The following CNTN5 variants were observed in gnomAD, a reference collection of about 807,000 sequenced individuals.
CNTN5 encodes the protein contactin-5.
Under a neutral mutation model 129.1 loss-of-function variants are expected in CNTN5, and 77 were observed. The observed-to-expected ratio is 0.60, with a 90% confidence interval of 0.50 to 0.72. The LOEUF (loss-of-function observed/expected upper bound fraction) is 0.72. Ranked by LOEUF, CNTN5 falls within the 30% of genes least tolerant of loss-of-function variation. The probability of loss-of-function intolerance (pLI) is 0.00; values close to 1 mark genes in which losing one functional copy is unlikely to be tolerated. For missense variants in CNTN5, 1,478 were observed against 1,328.8 expected, an observed-to-expected ratio of 1.11 and a Z score of -1.75; for synonymous variants, 509 against 465.6, an observed-to-expected ratio of 1.09 and a Z score of -1.20.
intron 2 of CNTN5, among the ~76,000 whole-genome samples, chr11:99,497,869 C>A (rs1457359858): frequency 6.6e-6 from 1 of 152,114 alleles, no homozygotes; most frequent in East Asian, 1.9e-4. Flanking sequence ...CTGATAGGTT[C>A]AGAAATTTAC....
At chr11:99,269,752 A>G (rs1863087156) in intron 1 of CNTN5, among the ~76,000 whole-genome samples, 1 of 149,364 alleles carries the variant, frequency 6.7e-6, no homozygotes, top group Non-Finnish European at 1.5e-5. Context: ...CTATAATATT[A>G]TAAACTTACT....
At chr11:99,060,723 T>C (rs1483380012) in intron 1 of CNTN5, among the ~76,000 whole-genome samples, 3 of 152,146 alleles carry the variant, frequency 2.0e-5, no homozygotes, top group South Asian at 2.1e-4. Context: ...ATTTTATTGT[T>C]GTTAAAAGCA....
At chr11:99,567,861 C>T (rs1874139) in intron 3 of CNTN5, among the ~76,000 whole-genome samples, 13,101 of 151,764 alleles carry the variant, frequency 0.086, 849 homozygotes, top group African/African-American at 0.18. Flanking sequence ...TGTCAGTGGG[C>T]GGTGGGAACT....
At chr11:100,187,695 T>G (rs941449671) in intron 13 of CNTN5, among the ~76,000 whole-genome samples, 4 of 152,148 alleles carry the variant, frequency 2.6e-5, no homozygotes, top group Middle Eastern at 3.2e-3. Flanking sequence ...AGGAAAGGAC[T>G]TCTTGGTCAA....
intron 1 of CNTN5, among the ~76,000 whole-genome samples, chr11:99,199,437 C>T (rs1859058595): frequency 6.6e-6 from 1 of 152,106 alleles, no homozygotes; most frequent in Admixed American, 6.5e-5. Context: ...GTTGCAATAA[C>T]ACAATATGAC....
chr11:99,106,501 A>G (rs1045074904), intron 1 of CNTN5, among the ~76,000 whole-genome samples: 4 of 152,042 alleles, frequency 2.6e-5, no homozygotes, highest in East Asian at 1.9e-4. Flanking sequence ...TGTAGTTCCT[A>G]TAATTATTTT....
chr11:99,183,671 G>C (rs1858196298), intron 1 of CNTN5, among the ~76,000 whole-genome samples: 1 of 151,850 alleles, frequency 6.6e-6, no homozygotes, highest in Admixed American at 6.6e-5. Flanking sequence ...TCTCTTCCTT[G>C]ACATACCATT....
In CNTN5 at chr11:99,845,277, T is replaced by C. The variant is rs745847335; in HGVS notation, c.577+15T>C. The C allele has an allele frequency of 2.2e-5, 34 of 1,570,154 alleles. No individual in the cohort carries two copies. The highest frequency in any genetic ancestry group is 3.4e-5 in the South Asian group (3 of 87,572). On this transcript the variant is annotated intron_variant, in intron 6 of 24. Transcript: ENST00000524871. ...GCAGTTTGCCTGTGAGTAAAATATA[T>C]GATTTTTCTATATATATGTATATAG...
chr11:99,073,570 C>T (rs75152183), intron 1 of CNTN5, among the ~76,000 whole-genome samples: 2,125 of 151,842 alleles, frequency 0.014, 46 homozygotes, highest in African/African-American at 0.049. Context: ...CCCTGACAGG[C>T]CATGGTATAT....
intron 13 of CNTN5, among the ~76,000 whole-genome samples, chr11:100,127,638 A>ACTTT (rs1184932484): frequency 1.5e-5 from 2 of 133,460 alleles, no homozygotes; most frequent in Non-Finnish European, 1.6e-5. Context: ...AGACTTTCTG[A>ACTTT]CTTTCTTTCT....
intron 2 of CNTN5, among the ~76,000 whole-genome samples, chr11:99,488,338 A>T (rs1945902598): frequency 6.8e-6 from 1 of 147,470 alleles, no homozygotes; most frequent in Non-Finnish European, 1.5e-5. Context: ...ATGGCCGGCT[A>T]ATTTTTGTAT....
chr11:99,449,691 TG>T (rs1815241911), intron 2 of CNTN5, among the ~76,000 whole-genome samples: 1 of 152,186 alleles, frequency 6.6e-6, no homozygotes. Context: ...TGGTTCAACT[TG>T]GACAGCTGGT....
intron 6 of CNTN5, among the ~76,000 whole-genome samples, chr11:99,866,214 C>T (rs191499509): frequency 6.6e-6 from 1 of 152,080 alleles, no homozygotes; most frequent in Non-Finnish European, 1.5e-5. Context: ...TACAGAAAAC[C>T]AATAACCCAA....
At chr11:99,225,418 C>A (rs964889733) in intron 1 of CNTN5, among the ~76,000 whole-genome samples, 1 of 152,124 alleles carries the variant, frequency 6.6e-6, no homozygotes, top group African/African-American at 2.4e-5. Context: ...GTGTTTGTTT[C>A]TTTATTTTAC....
At chr11:99,023,612 G>A (rs546370455) in intron 1 of CNTN5, among the ~76,000 whole-genome samples, 1 of 152,140 alleles carries the variant, frequency 6.6e-6, no homozygotes, top group Non-Finnish European at 1.5e-5. Context: ...GAGTTTGATT[G>A]GCTAAAACAA....
At chr11:100,173,580 G>A (rs1947882228) in intron 13 of CNTN5, among the ~76,000 whole-genome samples, 1 of 152,090 alleles carries the variant, frequency 6.6e-6, no homozygotes, top group African/African-American at 2.4e-5. Context: ...CTTTGGAGAA[G>A]GTAGGCCAGC....
At chr11:100,319,381 G>T (rs1419076323) in intron 21 of CNTN5, among the ~76,000 whole-genome samples, 3 of 152,024 alleles carry the variant, frequency 2.0e-5, no homozygotes, top group Non-Finnish European at 4.4e-5. Context: ...TTGAACTCCT[G>T]ACCTCAGGTG....
intron 2 of CNTN5, among the ~76,000 whole-genome samples, chr11:99,388,645 A>T (rs1463007123): frequency 6.6e-6 from 1 of 152,208 alleles, no homozygotes; most frequent in East Asian, 1.9e-4. Context: ...CTACTGCCAC[A>T]TTGTAAACAT....
intron 2 of CNTN5, among the ~76,000 whole-genome samples, chr11:99,510,708 G>T (rs1317677648): frequency 1.3e-5 from 2 of 152,092 alleles, no homozygotes; most frequent in Admixed American, 1.3e-4. Flanking sequence ...AACGTTTATG[G>T]TGATGCTGCT....
Sources: allele counts gnomAD v4.1 joint callset (sites outside exome capture counted in the v4.1 genomes callset), GRCh38; gene constraint gnomAD v4.1.1; transcripts MANE v1.5; gene names NCBI Gene and HGNC (gene_info 2026-07-23, HGNC 2026-07-21).